FAF1: variants seen among roughly 807,000 people sequenced by gnomAD.
FAF1 encodes the protein FAS-associated factor 1.
Under a neutral mutation model 92.5 loss-of-function variants are expected in FAF1, and 25 were observed. The ratio of observed to expected loss-of-function variants is 0.27; its 90% CI spans 0.20 to 0.38. The LOEUF is 0.38. Ranked by LOEUF, FAF1 falls within the 10% of genes least tolerant of loss-of-function variation. The pLI, the probability that FAF1 is intolerant of heterozygous loss-of-function variation, is 1.00. For missense variants in FAF1, 636 were observed against 793.3 expected (o/e 0.80, Z 2.38); for synonymous variants, 234 against 273.2 (o/e 0.86, Z 1.42).
intron 15 of FAF1, 98 bp from the exon 16 acceptor site, chr1:50,491,899 A>G: frequency 1.2e-6 from 1 of 815,534 alleles, no homozygotes; most frequent in Non-Finnish European, 2.0e-6. Context: ...TTCCTATATG[A>G]ACTTATAATT....
intron 5 of FAF1, among the ~76,000 whole-genome samples, chr1:50,742,268 T>G (rs886376949): frequency 2.0e-5 from 3 of 151,880 alleles, no homozygotes; most frequent in African/African-American, 7.3e-5. Context: ...GAGCCATGAT[T>G]GTACCGCTGC....
At chr1:50,554,390 T>TAGAGAG (rs34360366) in intron 13 of FAF1, among the ~76,000 whole-genome samples, 957 of 93,626 alleles carry the variant, frequency 0.01, 19 homozygotes, top group African/African-American at 0.029. Flanking sequence ...TATATATATA[T>TAGAGAG]AGAGAGAGAG....
intron 1 of FAF1, among the ~76,000 whole-genome samples, chr1:50,884,694 A>G (rs1261986801): frequency 6.6e-6 from 1 of 151,996 alleles, no homozygotes; most frequent in Non-Finnish European, 1.5e-5. Flanking sequence ...TATCAGTATT[A>G]GTTGGGGATA....
At chr1:50,684,264 T>A (rs1319641935) in intron 7 of FAF1, among the ~76,000 whole-genome samples, 1 of 151,186 alleles carries the variant, frequency 6.6e-6, no homozygotes, top group Admixed American at 6.6e-5. Flanking sequence ...AGACTTTTTT[T>A]TTTTTTTTTT....
At chr1:50,657,937 T>A (rs1445780657) in intron 7 of FAF1, among the ~76,000 whole-genome samples, 1 of 152,218 alleles carries the variant, frequency 6.6e-6, no homozygotes, top group African/African-American at 2.4e-5. Flanking sequence ...TAGTCTACCA[T>A]GCAATATTTT....
At chr1:50,729,058 AT>A (rs1195852048) in intron 6 of FAF1, among the ~76,000 whole-genome samples, 938 of 70,004 alleles carry the variant, frequency 0.013, 3 homozygotes, top group Middle Eastern at 0.031. Context: ...ATATATATAT[AT>A]TTTTTTTTTT....
chr1:50,951,357 A>G (rs1645212866), intron 1 of FAF1, among the ~76,000 whole-genome samples: 1 of 152,266 alleles, frequency 6.6e-6, no homozygotes, highest in Non-Finnish European at 1.5e-5. Flanking sequence ...TGATCTCTGA[A>G]GTTCCCAACA....
intron 1 of FAF1, among the ~76,000 whole-genome samples, chr1:50,937,622 T>C (rs1457310485): frequency 6.6e-6 from 1 of 152,164 alleles, no homozygotes; most frequent in Non-Finnish European, 1.5e-5. Context: ...GATAGATAGT[T>C]GTATTTTGCC....
chr1:50,891,875 T>C (rs1644723075), intron 1 of FAF1, among the ~76,000 whole-genome samples: 1 of 152,172 alleles, frequency 6.6e-6, no homozygotes, highest in Admixed American at 6.5e-5. Context: ...ACCAATACTC[T>C]CTTCAAAACT....
At chr1:50,713,755 G>A (rs1658049951) in intron 6 of FAF1, among the ~76,000 whole-genome samples, 1 of 149,386 alleles carries the variant, frequency 6.7e-6, no homozygotes, top group Non-Finnish European at 1.5e-5. Context: ...AAGTCACTGC[G>A]CCTGGCAAAT....
chr1:50,480,962 C>T (rs1210541723), intron 17 of FAF1, among the ~76,000 whole-genome samples: 1 of 151,908 alleles, frequency 6.6e-6, no homozygotes, highest in Non-Finnish European at 1.5e-5. Flanking sequence ...TGATCTAGAC[C>T]TTGTGTAGGC....
rs1433827229 is a variant in FAF1 at position 50,726,678 on chromosome 1, A to C, written c.551+12185T>G. On this transcript the variant is annotated intron_variant, in intron 6 of 18. Transcript: ENST00000396153. ...CCCAGTCTCTACTAAAAATACAAAA[A>C]ATTATCTGGGCGTGGTGGCGGGCAC... 5.3e-5 allele frequency among the ~76,000 whole-genome samples: 8 copies of C among 152,126 alleles called. No individual in the cohort carries two copies. In the East Asian group the frequency reaches 1.6e-3, roughly 30 times the overall value.
At chr1:50,739,342 G>GCATATACATGTGTACATGTGTACACATA (rs1557502808) in intron 5 of FAF1, among the ~76,000 whole-genome samples, 5 of 147,796 alleles carry the variant, frequency 3.4e-5, no homozygotes, top group African/African-American at 1.3e-4. Flanking sequence ...ACACGTACAT[G>GCATATACATGTGTACATGTGTACACATA]CATATACATG....
At chr1:50,692,772 T>G (rs1656997023) in intron 7 of FAF1, among the ~76,000 whole-genome samples, 1 of 152,202 alleles carries the variant, frequency 6.6e-6, no homozygotes, top group African/African-American at 2.4e-5. Flanking sequence ...TTTAACACAC[T>G]GATTTCAATT....
intron 12 of FAF1, among the ~76,000 whole-genome samples, chr1:50,576,473 A>G (rs2149062405): frequency 6.6e-6 from 1 of 152,204 alleles, no homozygotes; most frequent in East Asian, 1.9e-4. Context: ...ATGGGAGATA[A>G]GCCCTGCCAT....
intron 1 of FAF1, among the ~76,000 whole-genome samples, chr1:50,893,841 C>G (rs111963032): frequency 0.026 from 3,984 of 152,290 alleles, 176 homozygotes; most frequent in African/African-American, 0.089. Context: ...AGACTAGGGT[C>G]AAACACCTTA....
intron 1 of FAF1, among the ~76,000 whole-genome samples, chr1:50,952,101 T>C (rs949492377): frequency 3.9e-4 from 60 of 152,184 alleles, no homozygotes; most frequent in African/African-American, 1.4e-3. Context: ...CCCTCTCCCC[T>C]TTCTACGGTC....
chr1:50,896,525 C>A (rs541108064), intron 1 of FAF1, among the ~76,000 whole-genome samples: 3 of 152,188 alleles, frequency 2.0e-5, no homozygotes, highest in Non-Finnish European at 4.4e-5. Context: ...TGGAAGCAAC[C>A]TAAGTGTCCA....
intron 4 of FAF1, among the ~76,000 whole-genome samples, chr1:50,786,170 C>T (rs538262528): frequency 4.6e-5 from 7 of 151,744 alleles, no homozygotes; most frequent in African/African-American, 1.7e-4. Context: ...TTCATTGCAG[C>T]GTTATTCACA....
Sources: gnomAD v4.1 joint callset for allele counts (sites outside exome capture counted in the v4.1 genomes callset) on GRCh38, gnomAD v4.1.1 for gene constraint, MANE v1.5 for transcripts, NCBI Gene and HGNC (gene_info 2026-07-23, HGNC 2026-07-21) for gene names.